The following MEI1 variants were observed in gnomAD, a reference collection of about 807,000 sequenced individuals.
MEI1 encodes meiotic double-stranded break formation protein 1.
MEI1 carries 103 observed loss-of-function variants against 146.2 expected under a neutral mutation model. That is an observed-to-expected ratio of 0.70 (90% confidence interval 0.60 to 0.83). MEI1 has a LOEUF of 0.83. Among genes scored for constraint, MEI1 ranks in the 40% least tolerant of loss-of-function variants. The probability of loss-of-function intolerance (pLI) is 0.00; values close to 1 mark genes in which losing one functional copy is unlikely to be tolerated. For synonymous variants in MEI1, 652 were observed against 628.2 expected, an observed-to-expected ratio of 1.04 and a Z score of -0.57; for missense variants, 1,529 against 1,533.0, an observed-to-expected ratio of 1.00 and a Z score of 0.04.
chr22:41,758,180 T>C (rs1471935603), intron 17 of MEI1, among the ~76,000 whole-genome samples, 185 bp from the exon 18 acceptor site: 1 of 152,082 alleles, frequency 6.6e-6, no homozygotes, highest in Non-Finnish European at 1.5e-5. Flanking sequence ...TTGTGAAGTT[T>C]AGTCTTTCCC....
intron 6 of MEI1, among the ~76,000 whole-genome samples, chr22:41,721,171 C>A (rs1362190815): frequency 6.6e-6 from 1 of 151,616 alleles, no homozygotes; most frequent in African/African-American, 2.4e-5. Context: ...TCTCGGCCTC[C>A]CCAGGATATG....
intron 11 of MEI1, among the ~76,000 whole-genome samples, chr22:41,737,237 T>C (rs2072452260): frequency 6.6e-6 from 1 of 152,126 alleles, no homozygotes; most frequent in African/African-American, 2.4e-5. Flanking sequence ...AAGTTATTGT[T>C]TATTCTTTTT....
Position 41,776,115 on chromosome 22 carries a change from C to G in MEI1, c.2558C>G (p.Ser853Cys). The G allele has an allele frequency of 6.2e-7, 1 of 1,613,976 alleles. No homozygotes were observed. The part of the protein sequence containing the change: ...ILLILLDLIY[S>C]SPVDTAHKVL... ...TCTCCTGCTCAGGACCTCATCTATT[C>G]CAGCCCAGTGGACACAGCTCACAAG... The change falls in exon 21 of 31, where the codon TCC becomes TGC. Residue 853 changes from serine to cysteine, a missense_variant. Physicochemically the swap from Ser to Cys is moderately radical, Grantham distance 112. Around this residue, in one of 3 missense-constraint regions of MEI1, gnomAD observed 1,212 missense variants for 1,178.9 expected, o/e 1.03. Coordinates refer to ENST00000401548, the MANE Select transcript of MEI1 (RefSeq NM_152513.4).
At chr22:41,704,466 T>C (rs910439941) in intron 2 of MEI1, among the ~76,000 whole-genome samples, 10 of 149,028 alleles carry the variant, frequency 6.7e-5, no homozygotes, top group African/African-American at 2.5e-4. Flanking sequence ...CAGGCCGGAG[T>C]CCAGTGGCGT....
chr22:41,741,007 T>A (rs2072813972), intron 11 of MEI1, among the ~76,000 whole-genome samples: 1 of 152,114 alleles, frequency 6.6e-6, no homozygotes, highest in Non-Finnish European at 1.5e-5. Flanking sequence ...AACTCCCTGG[T>A]TCAAGCGATT....
At chr22:41,796,901 C>A (rs1302073231) in intron 30 of MEI1, among the ~76,000 whole-genome samples, 1 of 152,080 alleles carries the variant, frequency 6.6e-6, no homozygotes, top group Non-Finnish European at 1.5e-5. Context: ...GCCAAGATCA[C>A]ACCACTGTAC....
At chr22:41,724,932 T>C (rs1021057563) in intron 7 of MEI1, among the ~76,000 whole-genome samples, 7 of 151,744 alleles carry the variant, frequency 4.6e-5, no homozygotes, top group African/African-American at 1.5e-4. Context: ...GCTTCCTGAG[T>C]AGCTGAGACT....
At chr22:41,721,208 G>C (rs1482876827) in intron 6 of MEI1, among the ~76,000 whole-genome samples, 3 of 148,952 alleles carry the variant, frequency 2.0e-5, no homozygotes, top group Non-Finnish European at 4.4e-5. Flanking sequence ...AAAGTGCTGG[G>C]ATTACAGGTG....
At chr22:41,722,677 C>G (rs1305071197) in intron 6 of MEI1, among the ~76,000 whole-genome samples, 1 of 152,076 alleles carries the variant, frequency 6.6e-6, no homozygotes, top group Admixed American at 6.6e-5. Context: ...TGGCTCACAT[C>G]CAACTTCTCA....
chr22:41,752,429 A>C, intron 15 of MEI1, 162 bp from the exon 16 acceptor site: 1 of 643,266 alleles, frequency 1.6e-6, no homozygotes, highest in Non-Finnish European at 2.8e-6. Flanking sequence ...AGAGAAGTTA[A>C]AAAACTTTTC....
chr22:41,792,778 T>G (rs1183929348), intron 26 of MEI1, among the ~76,000 whole-genome samples: 1 of 152,216 alleles, frequency 6.6e-6, no homozygotes, highest in African/African-American at 2.4e-5. Flanking sequence ...CACTTGGTGT[T>G]GTCAGTCTTT....
rs377078458 is a variant in MEI1 at position 41,745,946 on chromosome 22, G to A, written c.1600G>A (p.Ala534Thr). ...AQENPFTAPS[A>T]KKEDTLEAFS... ...GGAGAATCCATTCACAGCTCCCAGC[G>A]CCAAGAAGGAAGACACCTTGGAGGC... Residue 534 changes from alanine to threonine, a missense_variant, in exon 14 of 31, where the codon GCC (alanine) becomes ACC (threonine). Around this residue, in one of 3 missense-constraint regions of MEI1, gnomAD observed 1,212 missense variants for 1,178.9 expected, o/e 1.03. Transcript: ENST00000401548. 3.1e-6 allele frequency: 5 copies of A among 1,613,312 alleles called. No homozygotes were observed. Among genetic ancestry groups the A allele is most frequent in the African/African-American group, 1.3e-5 (1 of 74,898 alleles).
At chr22:41,773,405 T>C (rs536423661) in intron 20 of MEI1, among the ~76,000 whole-genome samples, 3 of 152,186 alleles carry the variant, frequency 2.0e-5, no homozygotes, top group African/African-American at 7.2e-5. Flanking sequence ...GGGCTGTCAT[T>C]CACTAATCAT....
chr22:41,706,359 G>T (rs912917684), intron 3 of MEI1, among the ~76,000 whole-genome samples: 5 of 152,084 alleles, frequency 3.3e-5, no homozygotes, highest in African/African-American at 1.2e-4. Context: ...CTAGATACTG[G>T]ATCAGGCACT....
Position 41,776,260 on chromosome 22 carries a change from A to G in MEI1, c.2703A>G (p.Pro901=). ...TGCTAGTGGAGCATGGGGCATCCCC[A>G]TCAGGAGGTCAGTCTGCAGGTGCTG... ...QRLLVEHGAS[P]SGASGNLPLL... is the part of the protein sequence containing the mutation. Residue 901 remains proline (P), a synonymous_variant, in exon 21 of 31, where the codon CCA becomes CCG. Coordinates refer to ENST00000401548, the MANE Select transcript of MEI1 (RefSeq NM_152513.4). 6.2e-7 allele frequency: 1 copy of G among 1,613,516 alleles called. No homozygotes were observed. The highest frequency in any genetic ancestry group is 8.5e-7 in the Non-Finnish European group (1 of 1,179,812).
At position 41,770,731 on chromosome 22, in the gene MEI1, C is replaced by T. The variant is rs745988494; in HGVS notation, c.2314C>T (p.Leu772=). The T allele has an allele frequency of 1.1e-5, 17 of 1,613,920 alleles. No homozygotes were observed. Among genetic ancestry groups the T allele is most frequent in the Non-Finnish European group, 1.2e-5 (14 of 1,179,858 alleles). ...AAAATTCCTAGAAGGCATCCCAGAC[C>T]TGCAGCTAGTCTATACTCACCATCC... ...IRKFLEGIPD[L]QLVYTHHPLL... The change falls in exon 20 of 31, where the codon CTG becomes TTG. Residue 772 remains leucine (L), a synonymous_variant. Transcript: ENST00000401548.
intron 18 of MEI1, among the ~76,000 whole-genome samples, chr22:41,760,220 G>C (rs1215929300): frequency 6.6e-6 from 1 of 151,968 alleles, no homozygotes; most frequent in Non-Finnish European, 1.5e-5. Flanking sequence ...TGAGGCAGGA[G>C]AATGGCGTGA....
intron 14 of MEI1, among the ~76,000 whole-genome samples, chr22:41,747,736 C>CCCAAAAAAAA (rs1569240908): frequency 7.5e-6 from 1 of 133,226 alleles, no homozygotes; most frequent in Non-Finnish European, 1.6e-5. Flanking sequence ...CCCACCCCCC[C>CCCAAAAAAAA]AAAAAAAACA....
Position 41,781,832 on chromosome 22 carries a change from A to G in MEI1, c.3074A>G (p.Lys1025Arg), listed in dbSNP as rs773966445. The G allele has an allele frequency of 2.5e-6, 4 of 1,613,828 alleles. No homozygotes were observed. The East Asian group carries it at 6.7e-5, about 27-fold the overall frequency. Residue 1025 changes from lysine to arginine, a missense_variant, in exon 24 of 31, where the codon AAG (lysine) becomes AGG (arginine). Coordinates refer to ENST00000401548, the MANE Select transcript of MEI1 (RefSeq NM_152513.4). ...LTASFSAQQH[K>R]GSLQVHQTLS... is the part of the protein sequence containing the mutation. The stretch of plus-strand genomic sequence containing the variant: ...GCCTCCTTCTCTGCCCAGCAGCACA[A>G]GGGCAGTTTGCAGGTTAGTCTTTAA...
Sources: gnomAD v4.1 joint callset for allele counts (sites outside exome capture counted in the v4.1 genomes callset) on GRCh38, gnomAD v4.1.1 for gene constraint, gnomAD v4.1.1 regional missense constraint, MANE v1.5 for transcripts, NCBI Gene and HGNC (gene_info 2026-07-23, HGNC 2026-07-21) for gene names.